The following ABHD17B variants were observed in gnomAD, a reference collection of about 807,000 sequenced individuals.
ABHD17B encodes alpha/beta hydrolase domain-containing protein 17B.
ABHD17B carries 9 observed loss-of-function variants against 26.2 expected under a neutral mutation model. The ratio of observed to expected loss-of-function variants is 0.34; its 90% CI spans 0.21 to 0.60. ABHD17B has a LOEUF of 0.60. Ranked by LOEUF, ABHD17B falls within the 20% of genes least tolerant of loss-of-function variation. The probability of loss-of-function intolerance (pLI) is 0.80; values close to 1 mark genes in which losing one functional copy is unlikely to be tolerated. For synonymous variants in ABHD17B, 127 were observed against 122.3 expected (o/e 1.04, Z -0.25); for missense variants, 224 against 352.1 (o/e 0.64, Z 2.91).
At chr9:71,878,110 T>C (rs939118805) in intron 1 of ABHD17B, among the ~76,000 whole-genome samples, 1 of 151,894 alleles carries the variant, frequency 6.6e-6, no homozygotes, top group African/African-American at 2.4e-5. Context: ...TGTGAGCAAG[T>C]TACTGAAGAA....
chr9:71,870,190 A>T lies in ABHD17B; in HGVS notation c.540T>A (p.Ala180=). ...SIGTVPSVDL[A]ARYESAAVIL... is the part of the protein sequence containing the mutation. Reference sequence around the variant, plus strand: ...TAACAGCAGCACTCTCATATCGAGCAGCAAGATCCACAGACGGTACTGTCC... The same window carrying T: ...TAACAGCAGCACTCTCATATCGAGCTGCAAGATCCACAGACGGTACTGTCC... The change falls in exon 3 of 4, where the codon GCT becomes GCA. Residue 180 remains alanine, a synonymous_variant. Coordinates refer to ENST00000333421, the MANE Select transcript of ABHD17B (RefSeq NM_001025780.3). The T allele has an allele frequency of 1.9e-6, 3 of 1,614,170 alleles. No individual in the cohort carries two copies. The highest frequency in any genetic ancestry group is 2.5e-6 in the Non-Finnish European group (3 of 1,179,986).
At chr9:71,876,915 C>T (rs1328559509) in intron 1 of ABHD17B, among the ~76,000 whole-genome samples, 1 of 152,126 alleles carries the variant, frequency 6.6e-6, no homozygotes, top group Non-Finnish European at 1.5e-5. Context: ...TGCTTCCTAC[C>T]TTTATTTCTT....
intron 1 of ABHD17B, among the ~76,000 whole-genome samples, chr9:71,905,206 T>G (rs1412738759): frequency 1.3e-5 from 2 of 151,614 alleles, no homozygotes; most frequent in African/African-American, 4.8e-5. Context: ...CACTGCAACC[T>G]CTGCCTCCCA....
intron 1 of ABHD17B, among the ~76,000 whole-genome samples, chr9:71,900,757 C>T (rs573966450): frequency 6.6e-6 from 1 of 152,126 alleles, no homozygotes; most frequent in Non-Finnish European, 1.5e-5. Flanking sequence ...TACTATCCCC[C>T]CCTCATCACT....
At chr9:71,864,172 T>A (rs988449960), downstream of ABHD17B, among the ~76,000 whole-genome samples, 1 of 151,678 alleles carries the variant, frequency 6.6e-6, no homozygotes, top group Non-Finnish European at 1.5e-5. Flanking sequence ...CCATCTGTAA[T>A]TGTGTTCCTA....
intron 1 of ABHD17B, among the ~76,000 whole-genome samples, chr9:71,908,421 A>C (rs1421732259): frequency 4.0e-5 from 6 of 151,052 alleles, no homozygotes; most frequent in Non-Finnish European, 8.9e-5. Context: ...AAAGGCCACA[A>C]ACTCACCTTC....
At chr9:71,871,282 A>T (rs558151911) in intron 2 of ABHD17B, among the ~76,000 whole-genome samples, 1 of 152,344 alleles carries the variant, frequency 6.6e-6, no homozygotes, top group South Asian at 2.1e-4. Context: ...GTTCTCTTCC[A>T]GGGGCATAAT....
At chr9:71,870,390 C>A (rs1427103638) in intron 2 of ABHD17B, 128 bp from the exon 3 acceptor site, 3 of 752,628 alleles carry the variant, frequency 4.0e-6, no homozygotes, top group Non-Finnish European at 5.8e-6. Context: ...ACTTAAGTTT[C>A]TTAGCTATTA....
At chr9:71,905,130 T>G (rs986830711) in intron 1 of ABHD17B, among the ~76,000 whole-genome samples, 6 of 146,328 alleles carry the variant, frequency 4.1e-5, no homozygotes, top group African/African-American at 1.0e-4. Context: ...AAGTTTTTTG[T>G]TTTTTTTTTT....
rs534210381 is a variant in ABHD17B at position 71,884,704 on chromosome 9, C to T, written c.-3-9621G>A. On this transcript the variant is annotated intron_variant, in intron 1 of 3. Coordinates refer to ENST00000333421, the MANE Select transcript of ABHD17B (RefSeq NM_001025780.3). ...TGCTCATAGATTGATGGTGATAATG[C>T]GCCATGAACTAGATTAGAAATTCCA... Among the ~76,000 whole-genome samples, 14 of 149,878 alleles carry T rather than the reference C, an allele frequency of 9.3e-5. No homozygotes were observed. The South Asian group carries it at 1.5e-3, about 16-fold the overall frequency.
rs572851269 is a variant in ABHD17B at position 71,891,744 on chromosome 9, C to T, written c.-3-16661G>A. Reference sequence around the variant, plus strand: ...TCTGTCTCTCACAAACACACACATACGCACTCTCTCTCTCACACACACTCA... The same window carrying T: ...TCTGTCTCTCACAAACACACACATATGCACTCTCTCTCTCACACACACTCA... On this transcript the variant is annotated intron_variant, in intron 1 of 3. Coordinates refer to ENST00000333421, the MANE Select transcript of ABHD17B (RefSeq NM_001025780.3). Among the ~76,000 whole-genome samples the T allele has an allele frequency of 3.8e-4, 58 of 152,310 alleles. 1 individual carries two copies. In the South Asian group the frequency reaches 0.012, roughly 31 times the overall value.
chr9:71,907,225 T>C (rs1809881052), intron 1 of ABHD17B, among the ~76,000 whole-genome samples: 1 of 152,144 alleles, frequency 6.6e-6, no homozygotes, highest in African/African-American at 2.4e-5. Flanking sequence ...ACATACCACC[T>C]AACAGTAAAA....
chr9:71,868,510 A>G (rs1018721065), intron 3 of ABHD17B, among the ~76,000 whole-genome samples: 18 of 152,246 alleles, frequency 1.2e-4, no homozygotes, highest in Admixed American at 6.5e-5. Flanking sequence ...AGGTATTATA[A>G]TAAACATAAA....
At chr9:71,902,121 C>T (rs1827161241) in intron 1 of ABHD17B, among the ~76,000 whole-genome samples, 1 of 152,162 alleles carries the variant, frequency 6.6e-6, no homozygotes, top group Admixed American at 6.5e-5. Flanking sequence ...ATCACTCCCC[C>T]TTCAAATAAA....
At chr9:71,906,525 T>C (rs1827289851) in intron 1 of ABHD17B, among the ~76,000 whole-genome samples, 1 of 152,208 alleles carries the variant, frequency 6.6e-6, no homozygotes, top group African/African-American at 2.4e-5. Flanking sequence ...AAATACAGCA[T>C]CTGGCCGGGC....
At chr9:71,891,035 C>G (rs548322922) in intron 1 of ABHD17B, among the ~76,000 whole-genome samples, 7 of 152,166 alleles carry the variant, frequency 4.6e-5, no homozygotes, top group South Asian at 2.1e-4. Context: ...AGCACTACCC[C>G]CCACCCCCTT....
intron 1 of ABHD17B, among the ~76,000 whole-genome samples, chr9:71,889,839 C>T (rs185219424): frequency 1.3e-5 from 2 of 152,236 alleles, no homozygotes; most frequent in Admixed American, 6.5e-5. Flanking sequence ...TAATCCCAAC[C>T]CAAACCTCAG....
At chr9:71,875,124 A>C in intron 1 of ABHD17B, 41 bp from the exon 2 acceptor site, 1 of 1,456,644 alleles carries the variant, frequency 6.9e-7, no homozygotes, top group Non-Finnish European at 9.4e-7. Context: ...TAATAACTGA[A>C]TGTAGACTCA....
At chr9:71,862,642 G>C (rs1194414518), downstream of ABHD17B, 1 of 926,902 alleles carries the variant, frequency 1.1e-6, no homozygotes, top group East Asian at 2.4e-5. Flanking sequence ...TATCATCTCT[G>C]CAGTTTTCAT....
Sources: gnomAD v4.1 joint callset for allele counts (sites outside exome capture counted in the v4.1 genomes callset) on GRCh38, gnomAD v4.1.1 for gene constraint, MANE v1.5 for transcripts, NCBI Gene and HGNC (gene_info 2026-07-23, HGNC 2026-07-21) for gene names.